PDE1A: variants seen among roughly 807,000 people sequenced by gnomAD.
PDE1A encodes phosphodiesterase 1A.
Under a neutral mutation model 61.7 loss-of-function variants are expected in PDE1A, and 35 were observed. That is an observed-to-expected ratio of 0.57 (90% CI 0.43 to 0.75). The LOEUF is 0.75. Ranked by LOEUF, PDE1A falls within the 30% of genes least tolerant of loss-of-function variation. The pLI is 0.00. For synonymous variants in PDE1A, 232 were observed against 213.2 expected (o/e 1.09, Z -0.77); for missense variants, 597 against 630.6 (o/e 0.95, Z 0.57).
the PDE1A span, among the ~76,000 whole-genome samples, chr2:182,546,813 G>A: frequency 6.6e-6 from 1 of 152,240 alleles, no homozygotes; most frequent in East Asian, 1.9e-4. Context: ...GGGTGTTGTA[G>A]AATTGAACTG....
chr2:182,385,112 AC>A (rs1700953027), intron 1 of PDE1A, among the ~76,000 whole-genome samples: 1 of 152,182 alleles, frequency 6.6e-6, no homozygotes, highest in Non-Finnish European at 1.5e-5. Context: ...TCCCAGAAAA[AC>A]AAAAGCAGAG....
chr2:182,582,143 T>A, the PDE1A span, among the ~76,000 whole-genome samples: 53 of 152,310 alleles, frequency 3.5e-4, no homozygotes, highest in South Asian at 0.011. Flanking sequence ...TTTATAGGCC[T>A]TCCTGGCTTT....
At chr2:182,648,044 A>C in the PDE1A span, among the ~76,000 whole-genome samples, 1 of 152,134 alleles carries the variant, frequency 6.6e-6, no homozygotes, top group Non-Finnish European at 1.5e-5. Context: ...TGACTAGAAC[A>C]CTTGTTTAAA....
the PDE1A span, among the ~76,000 whole-genome samples, chr2:182,650,469 A>G: frequency 6.6e-6 from 1 of 152,180 alleles, no homozygotes; most frequent in East Asian, 1.9e-4. Context: ...AGCACCTACT[A>G]TAACCTAGGA....
At chr2:182,675,644 C>T in the PDE1A span, among the ~76,000 whole-genome samples, 23 of 152,228 alleles carry the variant, frequency 1.5e-4, no homozygotes, top group African/African-American at 5.5e-4. Flanking sequence ...TTAGTAACAG[C>T]CATTCTGACT....
At chr2:182,533,848 T>C in the PDE1A span, among the ~76,000 whole-genome samples, 2 of 152,078 alleles carry the variant, frequency 1.3e-5, no homozygotes, top group Admixed American at 1.3e-4. Flanking sequence ...TAAATAAAAA[T>C]GAAAATAATT....
At chr2:182,209,989 C>G (rs918099947) in intron 7 of PDE1A, among the ~76,000 whole-genome samples, 1 of 152,182 alleles carries the variant, frequency 6.6e-6, no homozygotes, top group African/African-American at 2.4e-5. Flanking sequence ...AATTTCCTTG[C>G]AGCACTCAAG....
At chr2:182,509,877 G>A (rs993085430) in intron 2 of PDE1A, among the ~76,000 whole-genome samples, 1 of 152,004 alleles carries the variant, frequency 6.6e-6, no homozygotes, top group Non-Finnish European at 1.5e-5. Context: ...GTACATTATT[G>A]TTTTTCTAAT....
the PDE1A span, among the ~76,000 whole-genome samples, chr2:182,544,131 C>T: frequency 6.6e-6 from 1 of 152,152 alleles, no homozygotes; most frequent in African/African-American, 2.4e-5. Context: ...GTTCAAGTTG[C>T]AGGACTATCA....
At chr2:182,210,701 A>G in intron 7 of PDE1A, among the ~76,000 whole-genome samples, 1 of 151,990 alleles carries the variant, frequency 6.6e-6, no homozygotes, top group Non-Finnish European at 1.5e-5. Context: ...TGTGCCTTTG[A>G]TATTATATTT....
At chr2:182,377,662 C>T (rs1045463066) in intron 1 of PDE1A, among the ~76,000 whole-genome samples, 3 of 152,100 alleles carry the variant, frequency 2.0e-5, no homozygotes, top group Non-Finnish European at 2.9e-5. Context: ...CTCTTTATGA[C>T]CCAGCAGTTC....
chr2:182,238,673 A>C (rs1690260753), intron 3 of PDE1A, among the ~76,000 whole-genome samples: 2 of 152,236 alleles, frequency 1.3e-5, no homozygotes, highest in Non-Finnish European at 2.9e-5. Context: ...TGATTTAAAA[A>C]AGACTTTATT....
exon 14 of PDE1A, chr2:182,167,958 G>A (rs945880697): frequency 1.7e-6 from 2 of 1,169,942 alleles, no homozygotes; most frequent in African/African-American, 3.2e-5. Flanking sequence ...AAAATTTATT[G>A]GCACTCGGTA....
the PDE1A span, among the ~76,000 whole-genome samples, chr2:182,643,187 C>T: frequency 6.6e-6 from 1 of 152,232 alleles, no homozygotes. Context: ...GCTTCTGCTC[C>T]TCCAGCTCCG....
intron 1 of PDE1A, among the ~76,000 whole-genome samples, chr2:182,332,498 C>T (rs1436301912): frequency 6.6e-6 from 1 of 152,110 alleles, no homozygotes. Flanking sequence ...ATTTAACTAC[C>T]TTTGGTCTTT....
At chr2:182,495,182 C>T (rs750166278) in intron 2 of PDE1A, among the ~76,000 whole-genome samples, 2 of 152,196 alleles carry the variant, frequency 1.3e-5, no homozygotes, top group Non-Finnish European at 2.9e-5. Flanking sequence ...TTTCTCCTTG[C>T]TGACAAAGGC....
chr2:182,388,330 C>T (rs1701235532), intron 1 of PDE1A, among the ~76,000 whole-genome samples: 1 of 152,128 alleles, frequency 6.6e-6, no homozygotes, highest in Non-Finnish European at 1.5e-5. Flanking sequence ...CTAGGCATAA[C>T]AGATATATAC....
rs549964171 is a variant in PDE1A, at chr2:182,187,146, T to G, written c.1208-558A>C. 2.6e-5 allele frequency among the ~76,000 whole-genome samples: 4 copies of G among 152,366 alleles called. No individual in the cohort carries two copies. In the East Asian group the frequency reaches 7.7e-4, roughly 29 times the overall value. ...AAATTGTTGTTTATTATTCTCTGGATGTAAAGTGTTAGTTCACAGCATGTG... is the reference window on the plus strand; with the variant it reads ...AAATTGTTGTTTATTATTCTCTGGAGGTAAAGTGTTAGTTCACAGCATGTG... On this transcript the variant is annotated intron_variant, in intron 11 of 13. Coordinates refer to ENST00000351439, the Ensembl canonical transcript of PDE1A.
chr2:182,678,948 A>G, the PDE1A span, among the ~76,000 whole-genome samples: 1 of 150,466 alleles, frequency 6.6e-6, no homozygotes, highest in East Asian at 1.9e-4. Context: ...GGAGAATTTT[A>G]TATGTTGTCA....
Sources: gnomAD v4.1 joint callset for allele counts (sites outside exome capture counted in the v4.1 genomes callset) on GRCh38, gnomAD v4.1.1 for gene constraint, MANE v1.5 for transcripts, NCBI Gene and HGNC (gene_info 2026-07-23, HGNC 2026-07-21) for gene names.